Variants in RIMOC1 observed in about 807,000 individuals in gnomAD.
The protein encoded by RIMOC1 is RAB7A interacting MON1-CCZ1 complex subunit 1.
chr5:41,916,439 T>A, the RIMOC1 span: 1 of 964,814 alleles, frequency 1.0e-6, no homozygotes, highest in Non-Finnish European at 1.2e-6. Flanking sequence ...CATACTCTCT[T>A]TTTTTCTGGT....
the RIMOC1 span, among the ~76,000 whole-genome samples, chr5:41,909,145 C>T: frequency 1.3e-5 from 2 of 152,036 alleles, no homozygotes; most frequent in South Asian, 4.1e-4. Flanking sequence ...ACCCTAGAAC[C>T]CAGTTTCCTT....
the RIMOC1 span, among the ~76,000 whole-genome samples, chr5:41,915,459 A>G: frequency 1.3e-5 from 2 of 152,166 alleles, no homozygotes; most frequent in African/African-American, 4.8e-5. Flanking sequence ...GAGAACCACT[A>G]TTTATCATAT....
chr5:41,915,528 G>GA, the RIMOC1 span, among the ~76,000 whole-genome samples: 626 of 152,298 alleles, frequency 4.1e-3, 3 homozygotes, highest in African/African-American at 0.014. Context: ...AGACTGGGAA[G>GA]AAAAAATAGG....
At chr5:41,913,270 G>A in the RIMOC1 span, among the ~76,000 whole-genome samples, 1 of 152,118 alleles carries the variant, frequency 6.6e-6, no homozygotes, top group Non-Finnish European at 1.5e-5. Context: ...AAGGAAACCT[G>A]GGAAGTATAG....
chr5:41,911,313 G>A, the RIMOC1 span: 1 of 740,628 alleles, frequency 1.4e-6, no homozygotes, highest in Non-Finnish European at 2.0e-6. Flanking sequence ...TACTAGCTGG[G>A]TAATCATAAA....
At chr5:41,910,378 T>C in the RIMOC1 span, among the ~76,000 whole-genome samples, 1 of 151,918 alleles carries the variant, frequency 6.6e-6, no homozygotes, top group South Asian at 2.1e-4. Flanking sequence ...ACACAGGTAC[T>C]AGCCAGGGAT....
chr5:41,905,415 C>T, the RIMOC1 span, among the ~76,000 whole-genome samples: 1 of 152,144 alleles, frequency 6.6e-6, no homozygotes, highest in Non-Finnish European at 1.5e-5. Context: ...GGACAACAGG[C>T]GCACACCATC....
the RIMOC1 span, chr5:41,920,580 A>G: frequency 6.6e-6 from 1 of 152,118 alleles, no homozygotes; most frequent in Non-Finnish European, 1.5e-5. Context: ...GATGAGTACC[A>G]TGAAGAAGAA....
chr5:41,904,387 G>T, the RIMOC1 span: 3 of 1,613,906 alleles, frequency 1.9e-6, no homozygotes, highest in South Asian at 3.3e-5. Flanking sequence ...GCAGTCTCTA[G>T]TGTGGTGAGA....
At chr5:41,912,199 A>C in the RIMOC1 span, 2 of 1,428,418 alleles carry the variant, frequency 1.4e-6, no homozygotes, top group East Asian at 2.3e-5. Context: ...GTGATCTCTC[A>C]TTAAATTTTC....
the RIMOC1 span, chr5:41,907,930 A>C: frequency 1.3e-6 from 1 of 779,654 alleles, no homozygotes; most frequent in South Asian, 1.7e-5. Flanking sequence ...AAATGAAATC[A>C]GTTTATTCTA....
At chr5:41,919,207 T>G in the RIMOC1 span, 1 of 152,184 alleles carries the variant, frequency 6.6e-6, no homozygotes, top group African/African-American at 2.4e-5. Context: ...TTTCCAAACG[T>G]CAAGTCCTCA....
chr5:41,905,103 C>T, the RIMOC1 span, among the ~76,000 whole-genome samples: 2 of 152,220 alleles, frequency 1.3e-5, no homozygotes, highest in African/African-American at 4.8e-5. Flanking sequence ...CTTTTCATTA[C>T]GTCTCAGCTG....
At chr5:41,918,228 C>G in the RIMOC1 span, 1 of 985,898 alleles carries the variant, frequency 1.0e-6, no homozygotes, top group Non-Finnish European at 1.2e-6. Context: ...CAGCAGCTTA[C>G]TCCCGTGGCC....
the RIMOC1 span, chr5:41,909,749 A>C: frequency 7.2e-7 from 1 of 1,383,204 alleles, no homozygotes; most frequent in East Asian, 2.8e-5. Context: ...TTTTTAGGCT[A>C]TTTTGGACAT....
chr5:41,914,680 G>C, the RIMOC1 span, among the ~76,000 whole-genome samples: 1 of 152,002 alleles, frequency 6.6e-6, no homozygotes, highest in African/African-American at 2.4e-5. Flanking sequence ...TGAGGTTGGA[G>C]AATCAGTTGA....
chr5:41,918,449 C>CCACCCT, the RIMOC1 span: 2 of 985,346 alleles, frequency 2.0e-6, no homozygotes, highest in Admixed American at 1.2e-4. Context: ...TCTTCCCTAT[C>CCACCCT]CACCCTCAGC....
the RIMOC1 span, chr5:41,909,994 CTTAAA>C: frequency 1.1e-5 from 11 of 957,844 alleles, no homozygotes; most frequent in African/African-American, 1.7e-5. Flanking sequence ...ATCTTTGTTT[CTTAAA>C]TTAAGATTGG....
At chr5:41,907,176 T>C in the RIMOC1 span, among the ~76,000 whole-genome samples, 1 of 152,202 alleles carries the variant, frequency 6.6e-6, no homozygotes. Context: ...ATGAGGTAAT[T>C]TGTTTCTAAG....
Sources: gnomAD v4.1 joint callset for allele counts (sites outside exome capture counted in the v4.1 genomes callset) on GRCh38, gnomAD v4.1.1 for gene constraint, MANE v1.5 for transcripts, NCBI Gene and HGNC (gene_info 2026-07-23, HGNC 2026-07-21) for gene names.